The following GRIP1 variants were observed in gnomAD, a reference collection of about 807,000 sequenced individuals.
GRIP1 encodes the protein glutamate receptor interacting protein 1, also known as glutamate receptor-interacting protein 1.
GRIP1 carries 45 observed loss-of-function variants against 129.9 expected under a neutral mutation model. The observed-to-expected ratio is 0.35, with a 90% confidence interval of 0.27 to 0.44. The LOEUF is 0.44. Ranked by LOEUF, GRIP1 falls within the 20% of genes least tolerant of loss-of-function variation. GRIP1 has a pLI of 1.00. For synonymous variants in GRIP1, 530 were observed against 520.8 expected, an observed-to-expected ratio of 1.02 and a Z score of -0.24; for missense variants, 1,196 against 1,396.8, an observed-to-expected ratio of 0.86 and a Z score of 2.29.
At chr12:66,633,302 C>CACTAT (rs111238786) in intron 1 of GRIP1, among the ~76,000 whole-genome samples, 44,246 of 145,138 alleles carry the variant, frequency 0.3, 7,048 homozygotes, top group African/African-American at 0.36. Flanking sequence ...TACCATACTA[C>CACTAT]ACTATACTAT....
intron 8 of GRIP1, 34 bp from the exon 9 acceptor site, chr12:66,463,127 T>C: frequency 6.4e-7 from 1 of 1,554,466 alleles, no homozygotes. Flanking sequence ...TAAGAGGCAG[T>C]GCCTTCCTCT....
chr12:67,040,552 A>C (rs2043161431), intron 1 of GRIP1, among the ~76,000 whole-genome samples: 1 of 152,142 alleles, frequency 6.6e-6, no homozygotes, highest in Admixed American at 6.6e-5. Context: ...GGGTCACCTA[A>C]TTTGTCGTTT....
intron 9 of GRIP1, among the ~76,000 whole-genome samples, chr12:66,457,970 T>C (rs1360236150): frequency 1.3e-5 from 2 of 152,254 alleles, no homozygotes; most frequent in Non-Finnish European, 2.9e-5. Context: ...GCACACAGAA[T>C]AAAAACAAAT....
chr12:66,431,016 A>G (rs767861498), intron 14 of GRIP1, among the ~76,000 whole-genome samples: 2 of 152,222 alleles, frequency 1.3e-5, no homozygotes, highest in Non-Finnish European at 2.9e-5. Context: ...CACAACTCCA[A>G]GACGCACCAC....
intron 1 of GRIP1, among the ~76,000 whole-genome samples, chr12:66,976,268 T>C (rs1194990224): frequency 1.3e-5 from 2 of 152,220 alleles, no homozygotes; most frequent in Non-Finnish European, 2.9e-5. Context: ...AAATTTTAAT[T>C]TGTGATCCTT....
chr12:66,978,616 T>C (rs1249028271), intron 1 of GRIP1, among the ~76,000 whole-genome samples: 5 of 152,198 alleles, frequency 3.3e-5, no homozygotes, highest in Non-Finnish European at 5.9e-5. Context: ...CTTTCTTTCA[T>C]TGGTCTCAGA....
At chr12:66,889,896 G>A (rs2137227066) in intron 1 of GRIP1, among the ~76,000 whole-genome samples, 1 of 152,130 alleles carries the variant, frequency 6.6e-6, no homozygotes, top group South Asian at 2.1e-4. Flanking sequence ...ATTTCATAGA[G>A]AGGTAAACGG....
chr12:66,393,169 A>T (rs2056656037), intron 17 of GRIP1, among the ~76,000 whole-genome samples: 2 of 78,880 alleles, frequency 2.5e-5, no homozygotes, highest in Non-Finnish European at 4.2e-5. Context: ...CTTTCTACAG[A>T]TTTTTTTTTT....
chr12:66,401,694 A>G (rs2057009166), intron 16 of GRIP1, among the ~76,000 whole-genome samples: 1 of 151,724 alleles, frequency 6.6e-6, no homozygotes, highest in African/African-American at 2.4e-5. Flanking sequence ...AGCCATGTAA[A>G]GTAAGCATTA....
At chr12:66,635,158 C>A (rs1192059003) in intron 1 of GRIP1, among the ~76,000 whole-genome samples, 1 of 152,004 alleles carries the variant, frequency 6.6e-6, no homozygotes, top group African/African-American at 2.4e-5. Context: ...GTGGCTCATG[C>A]CTGTAATTCC....
At position 66,794,278 on chromosome 12, in the gene GRIP1, G is replaced by A. The variant is rs1374871707; in HGVS notation, c.-420+9775C>T. On this transcript the variant is annotated intron_variant, in intron 1 of 4. Transcript: ENST00000538373. ...AAAGTAATGAGATAGGTTTCTGTGG[G>A]TGGCTTATGGGAATCAGTCTTCTTC... 2.0e-5 allele frequency among the ~76,000 whole-genome samples: 3 copies of A among 152,308 alleles called. No homozygotes were observed. The South Asian group carries it at 6.2e-4, about 32-fold the overall frequency.
At chr12:66,826,079 C>A (rs190167423) in intron 1 of GRIP1, among the ~76,000 whole-genome samples, 2 of 152,090 alleles carry the variant, frequency 1.3e-5, no homozygotes, top group East Asian at 1.9e-4. Context: ...CAATGATAGT[C>A]TGGATAAAGA....
chr12:67,050,400 G>A (rs928777446), intron 1 of GRIP1, among the ~76,000 whole-genome samples: 1 of 152,152 alleles, frequency 6.6e-6, no homozygotes, highest in African/African-American at 2.4e-5. Flanking sequence ...ATTTTACACT[G>A]TAATTCATTG....
At chr12:66,472,725 G>A (rs1472908551) in intron 7 of GRIP1, among the ~76,000 whole-genome samples, 1 of 152,258 alleles carries the variant, frequency 6.6e-6, no homozygotes, top group Non-Finnish European at 1.5e-5. Flanking sequence ...ACAAGGGGTT[G>A]GGGAACTCCC....
At chr12:66,951,197 C>T (rs767866919) in intron 1 of GRIP1, among the ~76,000 whole-genome samples, 9 of 152,172 alleles carry the variant, frequency 5.9e-5, no homozygotes, top group Non-Finnish European at 8.8e-5. Flanking sequence ...GAAGACTCAA[C>T]TATATTAATA....
intron 1 of GRIP1, among the ~76,000 whole-genome samples, chr12:66,930,647 G>GTTA (rs2041379295): frequency 6.6e-6 from 1 of 152,138 alleles, no homozygotes; most frequent in Non-Finnish European, 1.5e-5. Context: ...GAAATAGCAT[G>GTTA]TTATTTCCTG....
At chr12:66,511,648 AGAG>A (rs2060702302) in intron 7 of GRIP1, among the ~76,000 whole-genome samples, 2 of 152,146 alleles carry the variant, frequency 1.3e-5, no homozygotes, top group South Asian at 2.1e-4. Flanking sequence ...AGAGTCTTTT[AGAG>A]GAGATCAGTC....
intron 1 of GRIP1, among the ~76,000 whole-genome samples, chr12:66,919,630 A>G (rs1401365443): frequency 6.6e-6 from 1 of 152,184 alleles, no homozygotes; most frequent in African/African-American, 2.4e-5. Context: ...AATGACACCA[A>G]TGAAATGAAG....
At chr12:66,852,189 C>T (rs1421660923) in intron 1 of GRIP1, among the ~76,000 whole-genome samples, 2 of 151,818 alleles carry the variant, frequency 1.3e-5, no homozygotes, top group Non-Finnish European at 2.9e-5. Flanking sequence ...CTTTTTGTAC[C>T]TACTTTAGTC....
Sources: allele counts gnomAD v4.1 joint callset (sites outside exome capture counted in the v4.1 genomes callset), GRCh38; gene constraint gnomAD v4.1.1; transcripts MANE v1.5; gene names NCBI Gene and HGNC (gene_info 2026-07-23, HGNC 2026-07-21).